Variants in CCT2 observed in about 807,000 individuals in gnomAD.
CCT2 encodes chaperonin containing TCP1 subunit 2.
CCT2 carries 18 observed loss-of-function variants against 61.8 expected under a neutral mutation model. The observed-to-expected ratio is 0.29, with a 90% confidence interval of 0.20 to 0.43. The LOEUF (loss-of-function observed/expected upper bound fraction) is 0.43, where lower values mean the gene tolerates loss of function less well. Ranked by LOEUF, CCT2 falls within the 20% of genes least tolerant of loss-of-function variation. CCT2 has a pLI of 1.00. For missense variants in CCT2, 556 were observed against 656.9 expected (o/e 0.85, Z 1.68); for synonymous variants, 248 against 215.9 (o/e 1.15, Z -1.30).
intron 10 of CCT2, 149 bp downstream of exon 10, chr12:69,593,762 T>C: frequency 1.9e-6 from 1 of 535,268 alleles, no homozygotes; most frequent in Non-Finnish European, 3.3e-6. Flanking sequence ...TTTAGATACA[T>C]AGATACATTA....
In CCT2 at chr12:69,599,929, G is replaced by A. The variant is rs777802156; in HGVS notation, c.1502G>A (p.Arg501Gln). 24 of 1,613,858 alleles carry A rather than the reference G, an allele frequency of 1.5e-5. No homozygotes were observed. The Admixed American group carries it at 2.3e-4, about 16-fold the overall frequency. Reference sequence around the variant, plus strand: ...ATAACAGAAAGTTTTCAAGTGAAGCGACAGGTTCTTCTGAGTGCAGCTGAA... The same window carrying A: ...ATAACAGAAAGTTTTCAAGTGAAGCAACAGGTTCTTCTGAGTGCAGCTGAA... ...LGITESFQVK[R>Q]QVLLSAAEAA... Residue 501 changes from arginine to glutamine, a missense_variant, in exon 15 of 16, where the codon CGA becomes CAA. By Grantham distance (43) the Arg-to-Gln change is conservative. Transcript: ENST00000299300.
At chr12:69,598,454 T>G in intron 14 of CCT2, 33 bp downstream of exon 14, 1 of 1,354,074 alleles carries the variant, frequency 7.4e-7, no homozygotes, top group Non-Finnish European at 1.0e-6. Flanking sequence ...GTGGCCGTTG[T>G]TAAAAGTAAC....
At chr12:69,595,205 C>T (rs982301759) in intron 10 of CCT2, among the ~76,000 whole-genome samples, 5 of 152,076 alleles carry the variant, frequency 3.3e-5, no homozygotes, top group Non-Finnish European at 4.4e-5. Flanking sequence ...TCTCTTAAGA[C>T]GTTTTTTTTA....
chr12:69,597,823 C>T (rs959360676), intron 12 of CCT2, 57 bp downstream of exon 12: 2 of 1,513,890 alleles, frequency 1.3e-6, no homozygotes, highest in African/African-American at 1.4e-5. Context: ...CAATATAAGT[C>T]ATAAGTGGTT....
At chr12:69,601,197 T>A (rs1176169854) in intron 15 of CCT2, 98 bp from the exon 16 acceptor site, 2 of 1,002,568 alleles carry the variant, frequency 2.0e-6, no homozygotes, top group Non-Finnish European at 3.0e-6. Flanking sequence ...TATAACAGTT[T>A]TAATACAGGA....
At chr12:69,590,396 C>T (rs1186161286) in intron 7 of CCT2, among the ~76,000 whole-genome samples, 2 of 152,004 alleles carry the variant, frequency 1.3e-5, no homozygotes, top group Non-Finnish European at 2.9e-5. Context: ...GTTTATAGGG[C>T]AAGAGGATCT....
In CCT2 at chr12:69,598,373, G is replaced by T; in HGVS notation, c.1387G>T (p.Ala463Ser). The change falls in exon 14 of 16, where the codon GCA becomes TCA. Residue 463 changes from alanine to serine, a missense_variant. Around this residue, in one of 3 missense-constraint regions of CCT2, gnomAD observed 225 missense variants for 249.8 expected, o/e 0.90. Coordinates refer to ENST00000299300, the MANE Select transcript of CCT2 (RefSeq NM_006431.3). ...NAGYDSADLVAQLRAAHSEGN... is the reference protein window; with the variant it reads ...NAGYDSADLVSQLRAAHSEGN... ...AGGCTATGACAGTGCAGACCTGGTG[G>T]CACAGCTCAGGGCTGCTCACAGTGA... 1 of 1,606,012 alleles carries T rather than the reference G, an allele frequency of 6.2e-7. No homozygotes were observed. Among genetic ancestry groups the T allele is most frequent in the Non-Finnish European group, 8.5e-7 (1 of 1,176,490 alleles).
intron 1 of CCT2, 152 bp from the exon 2 acceptor site, chr12:69,586,118 T>C: frequency 3.5e-6 from 4 of 1,143,866 alleles, no homozygotes; most frequent in Non-Finnish European, 4.9e-6. Context: ...CTTAAATGCT[T>C]TCTCCGATGA....
chr12:69,588,141 T>C lies in CCT2; in HGVS notation c.334-9T>C. ...ATTTATAACTTTTGTTTTATAACTT[T>C]ATTAATAGGAAGCAGAATCTTTAAT... On this transcript the variant is annotated splice_polypyrimidine_tract_variant and intron_variant, in intron 5 of 15. Coordinates refer to ENST00000299300, the MANE Select transcript of CCT2 (RefSeq NM_006431.3). 1 of 1,607,748 alleles carries C rather than the reference T, an allele frequency of 6.2e-7. No individual in the cohort carries two copies. Among genetic ancestry groups the C allele is most frequent in the African/African-American group, 1.3e-5 (1 of 74,806 alleles).
At chr12:69,599,707 C>G (rs1882095216) in intron 14 of CCT2, 156 bp from the exon 15 acceptor site, 1 of 515,238 alleles carries the variant, frequency 1.9e-6, no homozygotes, top group African/African-American at 2.0e-5. Context: ...TTTTTAAAGG[C>G]TTTCTTTGAG....
At position 69,599,847 on chromosome 12, in the gene CCT2, T is replaced by C; in HGVS notation, c.1436-16T>C. On this transcript the variant is annotated splice_polypyrimidine_tract_variant and intron_variant, in intron 14 of 15. Transcript: ENST00000299300. ...TAGTTAAAACTGCTTTTTAGTAAAT[T>C]TGTTTTTCTTTGCAGATATGAGGGA... The C allele has an allele frequency of 6.3e-7, 1 of 1,592,052 alleles. No homozygotes were observed. Among genetic ancestry groups the C allele is most frequent in the Non-Finnish European group, 8.5e-7 (1 of 1,171,228 alleles).
chr12:69,597,969 C>T lies in CCT2; in HGVS notation c.1233C>T (p.Gly411=), dbSNP rs1156748474. Reference sequence around the variant, plus strand: ...TTTTATTGGAATTTTAATCTTTAGGCTGTTCTGAGATGTTGATGGCTCATG... The same window carrying T: ...TTTTATTGGAATTTTAATCTTTAGGTTGTTCTGAGATGTTGATGGCTCATG... ...VKDSRTVYGG[G]CSEMLMAHAV... The change falls in exon 13 of 16, where the codon GGC becomes GGT. Residue 411 remains glycine, a splice_region_variant and synonymous_variant. Transcript: ENST00000299300. 1 of 1,611,338 alleles carries T rather than the reference C, an allele frequency of 6.2e-7. No homozygotes were observed. Among genetic ancestry groups the T allele is most frequent in the Non-Finnish European group, 8.5e-7 (1 of 1,178,050 alleles).
rs756660861 is a variant in CCT2 at position 69,601,560 on chromosome 12, T to G, written c.*235T>G. On this transcript the variant is annotated 3_prime_UTR_variant, in exon 16 of 16. Coordinates refer to ENST00000299300, the MANE Select transcript of CCT2 (RefSeq NM_006431.3). ...TCATACTGTGCATTAAAATAAAAATTTGAACAATTACTTGGTTCTTATGTC... is the reference window on the plus strand; with the variant it reads ...TCATACTGTGCATTAAAATAAAAATGTGAACAATTACTTGGTTCTTATGTC... 9.9e-6 allele frequency: 13 copies of G among 1,312,246 alleles called. No homozygotes were observed. Among genetic ancestry groups the G allele is most frequent in the Non-Finnish European group, 1.3e-5 (13 of 1,010,474 alleles). The allele number at this position is 1,312,246 out of a possible 1,614,324, so 81.3% of individuals were successfully genotyped here.
intron 7 of CCT2, among the ~76,000 whole-genome samples, chr12:69,590,318 TACTGGGGGATG>T (rs1353334698): frequency 6.6e-6 from 1 of 152,218 alleles, no homozygotes; most frequent in Non-Finnish European, 1.5e-5. Context: ...CCCCTTCGTA[TACTGGGGGATG>T]ACTAGTTTTT....
chr12:69,601,060 A>G (rs1024758800), intron 15 of CCT2, among the ~76,000 whole-genome samples: 12 of 152,186 alleles, frequency 7.9e-5, no homozygotes, highest in African/African-American at 2.4e-4. Flanking sequence ...GTCCCATCCT[A>G]TATAACCCAT....
At chr12:69,594,634 A>T (rs977897478) in intron 10 of CCT2, among the ~76,000 whole-genome samples, 3 of 152,160 alleles carry the variant, frequency 2.0e-5, no homozygotes, top group African/African-American at 7.2e-5. Context: ...AGGCAGGAAG[A>T]TTGCTTGAAG....
chr12:69,586,675 A>C, intron 2 of CCT2, 78 bp from the exon 3 acceptor site: 2 of 1,169,402 alleles, frequency 1.7e-6, no homozygotes, highest in East Asian at 2.4e-5. Context: ...CTCAAAAAAA[A>C]AAAAAAGTAA....
chr12:69,601,344 G>T lies in CCT2; in HGVS notation c.*19G>T. 1 of 1,613,694 alleles carries T rather than the reference G, an allele frequency of 6.2e-7. No individual in the cohort carries two copies. Among genetic ancestry groups the T allele is most frequent in the Non-Finnish European group, 8.5e-7 (1 of 1,179,838 alleles). ...CTGTTAAGCATTCCCACGTGCTGTC[G>T]ATCTTTGGACCAGTTTCTAGCAAAG... On this transcript the variant is annotated 3_prime_UTR_variant, in exon 16 of 16. Transcript: ENST00000299300.
chr12:69,591,030 T>C (rs1339429113), intron 7 of CCT2, among the ~76,000 whole-genome samples: 6 of 152,166 alleles, frequency 3.9e-5, no homozygotes, highest in Non-Finnish European at 8.8e-5. Flanking sequence ...CTGCGTAGCA[T>C]TTCTGATAGG....
Sources: allele counts gnomAD v4.1 joint callset (sites outside exome capture counted in the v4.1 genomes callset), GRCh38; gene constraint gnomAD v4.1.1; regional missense constraint gnomAD v4.1.1; transcripts MANE v1.5; gene names NCBI Gene and HGNC (gene_info 2026-07-23, HGNC 2026-07-21).